The following SNTG1 variants were observed in gnomAD, a reference collection of about 807,000 sequenced individuals.
SNTG1 encodes the protein gamma-1-syntrophin.
A neutral mutation model predicts 74.7 loss-of-function variants in SNTG1; 39 were observed. That is an observed-to-expected ratio of 0.52 (90% CI 0.40 to 0.68). The LOEUF (loss-of-function observed/expected upper bound fraction) is 0.68, where lower values mean the gene tolerates loss of function less well. SNTG1 is among the 30% of genes least tolerant of loss of function. SNTG1 has a pLI of 0.00. For synonymous variants in SNTG1, 254 were observed against 217.1 expected (o/e 1.17, Z -1.49); for missense variants, 685 against 609.5 (o/e 1.12, Z -1.30).
chr8:50,688,673 T>C (rs1277905252), intron 15 of SNTG1, among the ~76,000 whole-genome samples: 2 of 152,232 alleles, frequency 1.3e-5, no homozygotes, highest in African/African-American at 4.8e-5. Context: ...TGTAGTATAG[T>C]ATGAAGTCAG....
At chr8:50,304,498 A>G (rs1019585140) in intron 2 of SNTG1, among the ~76,000 whole-genome samples, 3 of 152,200 alleles carry the variant, frequency 2.0e-5, no homozygotes, top group Non-Finnish European at 4.4e-5. Flanking sequence ...TCTGTAGTTA[A>G]ATAGACTGAC....
intron 1 of SNTG1, among the ~76,000 whole-genome samples, chr8:49,920,255 C>T (rs1435335108): frequency 6.6e-6 from 1 of 151,994 alleles, no homozygotes; most frequent in African/African-American, 2.4e-5. Flanking sequence ...GTTCGTAATA[C>T]TATTTTCTCA....
intron 17 of SNTG1, among the ~76,000 whole-genome samples, chr8:50,724,227 A>T (rs1285069382): frequency 2.0e-5 from 3 of 152,308 alleles, no homozygotes; most frequent in Non-Finnish European, 2.9e-5. Context: ...GATATCACAG[A>T]TATAATATAG....
chr8:50,012,269 G>A (rs1815886374), intron 1 of SNTG1, among the ~76,000 whole-genome samples: 1 of 152,144 alleles, frequency 6.6e-6, no homozygotes, highest in South Asian at 2.1e-4. Context: ...AAGTGCAACT[G>A]AGGTGGTTTA....
At chr8:50,477,408 G>A (rs866313195) in intron 8 of SNTG1, among the ~76,000 whole-genome samples, 2 of 151,398 alleles carry the variant, frequency 1.3e-5, no homozygotes, top group South Asian at 2.1e-4. Flanking sequence ...GTCTAATTAT[G>A]AGAAAAAAAA....
chr8:50,777,660 G>C (rs1188370346), intron 18 of SNTG1, among the ~76,000 whole-genome samples: 1 of 151,038 alleles, frequency 6.6e-6, no homozygotes, highest in Non-Finnish European at 1.5e-5. Flanking sequence ...CATTCAGTGT[G>C]AGTTTTCTTT....
chr8:50,796,394 G>A lies in SNTG1; in HGVS notation c.*3565G>A, dbSNP rs1021544223. The A allele has an allele frequency of 4.6e-5, 7 of 151,408 alleles. No homozygotes were observed. Among genetic ancestry groups the A allele is most frequent in the East Asian group, 1.9e-4 (1 of 5,170 alleles). The allele number at this position is 151,408 out of a possible 1,614,324, so 9.4% of individuals were successfully genotyped here. On this transcript the variant is annotated 3_prime_UTR_variant, in exon 19 of 19. Coordinates refer to ENST00000642720, the MANE Select transcript of SNTG1 (RefSeq NM_018967.5). Reference sequence around the variant, plus strand: ...TTCTTTATTGTTTATTCTTACTACCGAATACTTTAAAATCATAATGCCACT... The same window carrying A: ...TTCTTTATTGTTTATTCTTACTACCAAATACTTTAAAATCATAATGCCACT...
At chr8:50,576,364 T>C (rs976708783) in intron 12 of SNTG1, among the ~76,000 whole-genome samples, 4 of 152,188 alleles carry the variant, frequency 2.6e-5, no homozygotes, top group Non-Finnish European at 5.9e-5. Flanking sequence ...TAGCACATAG[T>C]TTACTGTAGT....
intron 1 of SNTG1, among the ~76,000 whole-genome samples, chr8:49,971,075 A>C (rs1811623236): frequency 6.6e-6 from 1 of 152,180 alleles, no homozygotes; most frequent in Non-Finnish European, 1.5e-5. Flanking sequence ...AAAAAAGAGA[A>C]TTTTAGACCA....
chr8:49,968,510 A>C (rs1811354890), intron 1 of SNTG1, among the ~76,000 whole-genome samples: 1 of 152,040 alleles, frequency 6.6e-6, no homozygotes, highest in Admixed American at 6.5e-5. Context: ...AAAGATCCAG[A>C]TCACTAGATG....
chr8:50,652,197 C>T (rs750394777), intron 13 of SNTG1, among the ~76,000 whole-genome samples: 6 of 152,090 alleles, frequency 3.9e-5, no homozygotes, highest in African/African-American at 9.7e-5. Context: ...AATGGCAAAA[C>T]GCATTTAATA....
At chr8:50,561,325 C>T (rs954655099) in intron 12 of SNTG1, among the ~76,000 whole-genome samples, 3 of 152,092 alleles carry the variant, frequency 2.0e-5, no homozygotes, top group Non-Finnish European at 4.4e-5. Context: ...AACCTCTTTC[C>T]TTCATAAATT....
At chr8:50,518,563 C>A (rs1028095173) in intron 9 of SNTG1, among the ~76,000 whole-genome samples, 3 of 151,518 alleles carry the variant, frequency 2.0e-5, no homozygotes, top group Admixed American at 6.6e-5. Flanking sequence ...CTATCCAGAC[C>A]AAGAAAGAAG....
chr8:50,704,761 C>T lies in SNTG1; in HGVS notation c.1191+9C>T. On this transcript the variant is annotated intron_variant, in intron 16 of 18. Transcript: ENST00000642720. ...AAGTAGAACGGATACAGGTGAGAGTCTGTGGGACTGCAGGATGTGTGGCTC... is the reference window on the plus strand; with the variant it reads ...AAGTAGAACGGATACAGGTGAGAGTTTGTGGGACTGCAGGATGTGTGGCTC... 1 of 1,613,766 alleles carries T rather than the reference C, an allele frequency of 6.2e-7. No homozygotes were observed. Among genetic ancestry groups the T allele is most frequent in the Non-Finnish European group, 8.5e-7 (1 of 1,179,854 alleles).
intron 2 of SNTG1, among the ~76,000 whole-genome samples, chr8:50,297,364 A>G (rs78600149): frequency 0.053 from 8,032 of 152,266 alleles, 238 homozygotes; most frequent in Middle Eastern, 0.12. Context: ...ACTATTTACA[A>G]TTTCACAGAT....
At chr8:50,533,432 C>T (rs2094284802) in intron 10 of SNTG1, among the ~76,000 whole-genome samples, 2 of 152,076 alleles carry the variant, frequency 1.3e-5, no homozygotes, top group South Asian at 2.1e-4. Context: ...GCTGCTTTTT[C>T]CAGTCACATT....
At position 49,935,523 on chromosome 8, in the gene SNTG1, C is replaced by CAA. The variant is rs59390567; in HGVS notation, c.-103+23307_-103+23308dup. On this transcript the variant is annotated intron_variant, in intron 1 of 18. Coordinates refer to ENST00000642720, the MANE Select transcript of SNTG1 (RefSeq NM_018967.5). ...TTCATGTGAGGAAGGAGATGTAAAC[C>CAA]AAAAAAAAAAAAAAAAGAAAAAGAA... Among the ~76,000 whole-genome samples the CAA allele has an allele frequency of 3.5e-3, 265 of 75,644 alleles. 2 individuals carry two copies. The highest frequency in any genetic ancestry group is 0.01 in the African/African-American group (236 of 22,828). 49.6% of individuals were successfully genotyped at this position (75,644 alleles called of 152,430 possible).
At chr8:50,283,973 A>G (rs1273464879) in intron 2 of SNTG1, among the ~76,000 whole-genome samples, 1 of 152,116 alleles carries the variant, frequency 6.6e-6, no homozygotes, top group Non-Finnish European at 1.5e-5. Context: ...TTGTTGGTAC[A>G]TTAGTATAAA....
chr8:50,285,066 G>C (rs903898564), intron 2 of SNTG1, among the ~76,000 whole-genome samples: 1 of 152,072 alleles, frequency 6.6e-6, no homozygotes, highest in Admixed American at 6.6e-5. Flanking sequence ...TTAAGAAGTA[G>C]ATGAGAAGGT....
Sources: gnomAD v4.1 joint callset for allele counts (sites outside exome capture counted in the v4.1 genomes callset) on GRCh38, gnomAD v4.1.1 for gene constraint, MANE v1.5 for transcripts, NCBI Gene and HGNC (gene_info 2026-07-23, HGNC 2026-07-21) for gene names.